Variants in SMG5 observed in about 807,000 individuals in gnomAD.
The protein encoded by SMG5 is SMG5 nonsense mediated mRNA decay factor.
SMG5 carries 53 observed loss-of-function variants against 122.9 expected under a neutral mutation model. The ratio of observed to expected loss-of-function variants is 0.43; its 90% CI spans 0.35 to 0.54. The LOEUF is 0.54. Among genes scored for constraint, SMG5 ranks in the 20% least tolerant of loss-of-function variants. SMG5 has a pLI of 0.01. For missense variants in SMG5, 1,153 were observed against 1,285.6 expected, an observed-to-expected ratio of 0.90 and a Z score of 1.58; for synonymous variants, 477 against 490.2, an observed-to-expected ratio of 0.97 and a Z score of 0.35.
intron 15 of SMG5, 142 bp from the exon 16 acceptor site, chr1:156,259,305 T>C: frequency 1.1e-6 from 1 of 878,016 alleles, no homozygotes; most frequent in South Asian, 2.0e-5. Flanking sequence ...GGAAGATTTG[T>C]GGTCTATGGG....
rs531230607 is a variant in SMG5, at chr1:156,277,859, C to A, written c.297+66G>T. 1.2e-4 allele frequency: 185 copies of A among 1,597,248 alleles called. No individual in the cohort carries two copies. The East Asian group carries it at 4.1e-3, about 36-fold the overall frequency. On this transcript the variant is annotated intron_variant, in intron 3 of 21. Coordinates refer to ENST00000361813, the MANE Select transcript of SMG5 (RefSeq NM_015327.3). ...CTCCCCTACCTCCAACCATGTTCTG[C>A]GCCCACTTTCCTAGCTGTCTCTTCC...
At chr1:156,265,493 A>G (rs1662084109) in intron 12 of SMG5, among the ~76,000 whole-genome samples, 1 of 152,190 alleles carries the variant, frequency 6.6e-6, no homozygotes, top group African/African-American at 2.4e-5. Flanking sequence ...GGCACAGGGA[A>G]GGAAGCTGCA....
rs1288072950 is a variant in SMG5, at chr1:156,261,260, G to A, written c.2107+73C>T. The A allele has an allele frequency of 2.1e-6, 3 of 1,425,918 alleles. No homozygotes were observed. The South Asian group carries it at 3.4e-5, about 16-fold the overall frequency. 88.3% of individuals were successfully genotyped at this position (1,425,918 alleles called of 1,614,324 possible). Reference sequence around the variant, plus strand: ...CTCCTTACCCCAAGGGCTGGGTTATGGGGAGGGGAGATGGGCTTAGTGGGG... The same window carrying A: ...CTCCTTACCCCAAGGGCTGGGTTATAGGGAGGGGAGATGGGCTTAGTGGGG... On this transcript the variant is annotated intron_variant, in intron 14 of 21. Coordinates refer to ENST00000361813, the MANE Select transcript of SMG5 (RefSeq NM_015327.3).
chr1:156,282,770 C>T lies in SMG5; in HGVS notation c.-90G>A. 1.5e-6 allele frequency: 2 copies of T among 1,367,910 alleles called. No individual in the cohort carries two copies. The highest frequency in any genetic ancestry group is 2.0e-6 in the Non-Finnish European group (2 of 1,020,160). The allele number at this position is 1,367,910 out of a possible 1,614,324, so 84.7% of individuals were successfully genotyped here. A position where few individuals can be genotyped will look rare whatever the true frequency, so the allele number is the denominator to read the frequency against. ...TGCCGTCTCCGGCCGTAGCCGCAGC[C>T]GCCGCCGCCACCGGCCCTGCTCGGC... On this transcript the variant is annotated 5_prime_UTR_variant, in exon 1 of 22. Coordinates refer to ENST00000361813, the MANE Select transcript of SMG5 (RefSeq NM_015327.3).
chr1:156,285,448 C>T (rs1170816803), upstream of SMG5: 1 of 1,613,828 alleles, frequency 6.2e-7, no homozygotes, highest in Admixed American at 1.7e-5. Flanking sequence ...GTGAGGCTGC[C>T]ACCTTGCCCT....
chr1:156,252,580 G>A, intron 18 of SMG5, 76 bp from the exon 19 acceptor site: 1 of 1,466,530 alleles, frequency 6.8e-7, no homozygotes, highest in East Asian at 2.3e-5. Context: ...GGAAGTATCT[G>A]AGCTCACCTC....
upstream of SMG5, chr1:156,286,139 C>T (rs1421622828): frequency 7.4e-7 from 1 of 1,358,896 alleles, no homozygotes; most frequent in African/African-American, 1.4e-5. Flanking sequence ...CTCCCAGGAC[C>T]ACCTCCACCC....
At chr1:156,260,968 C>G (rs1434411724) in intron 14 of SMG5, among the ~76,000 whole-genome samples, 1 of 152,000 alleles carries the variant, frequency 6.6e-6, no homozygotes, top group Non-Finnish European at 1.5e-5. Flanking sequence ...AGTTTTCCAG[C>G]TGGAAGGTGG....
intron 16 of SMG5, among the ~76,000 whole-genome samples, chr1:156,258,331 C>G (rs1661669597): frequency 1.3e-5 from 2 of 152,228 alleles, no homozygotes; most frequent in African/African-American, 4.8e-5. Flanking sequence ...CACTATCATT[C>G]CATCTTCAAA....
intron 1 of SMG5, 60 bp from the exon 2 acceptor site, chr1:156,279,094 G>A (rs1662818068): frequency 3.6e-6 from 5 of 1,378,192 alleles, no homozygotes; most frequent in South Asian, 1.2e-5. Flanking sequence ...AGAGGATGAC[G>A]CTGGGACACG....
chr1:156,250,051 G>C lies in SMG5; in HGVS notation c.*536C>G. On this transcript the variant is annotated 3_prime_UTR_variant, in exon 22 of 22. Coordinates refer to ENST00000361813, the MANE Select transcript of SMG5 (RefSeq NM_015327.3). ...CTAACAGCCCCTGTGGCTGGCTCCA[G>C]AGCTGCCTGGTCCCCATAAAGGGGG... The C allele has an allele frequency of 4.8e-6, 2 of 418,300 alleles. No individual in the cohort carries two copies. Among genetic ancestry groups the C allele is most frequent in the South Asian group, 3.6e-5 (2 of 55,392 alleles). The allele number at this position is 418,300 out of a possible 1,614,324, so 25.9% of individuals were successfully genotyped here.
chr1:156,249,643 C>T lies in SMG5; in HGVS notation c.*944G>A. 1 of 425,912 alleles carries T rather than the reference C, an allele frequency of 2.3e-6. No homozygotes were observed. Among genetic ancestry groups the T allele is most frequent in the Non-Finnish European group, 4.9e-6 (1 of 205,108 alleles). The allele number at this position is 425,912 out of a possible 1,614,324, so 26.4% of individuals were successfully genotyped here. On this transcript the variant is annotated 3_prime_UTR_variant, in exon 22 of 22. Coordinates refer to ENST00000361813, the MANE Select transcript of SMG5 (RefSeq NM_015327.3). ...CAAAAGGAGGGACGGGGGCCTCTGA[C>T]TGAGCAGCTTCAAGGAGCCTCTCCT... is the stretch of plus-strand genomic sequence containing the variant.
intron 16 of SMG5, among the ~76,000 whole-genome samples, chr1:156,256,372 C>T (rs1019855837): frequency 7.6e-5 from 11 of 144,222 alleles, no homozygotes; most frequent in Admixed American, 4.3e-4. Flanking sequence ...TGGAGGGCAG[C>T]GGCAAGATCT....
intron 18 of SMG5, 129 bp downstream of exon 18, chr1:156,252,790 G>T: frequency 2.0e-6 from 2 of 1,002,538 alleles, no homozygotes; most frequent in Non-Finnish European, 2.8e-6. Context: ...GAAGTGACGG[G>T]TTCACAAAGG....
chr1:156,286,232 C>T, upstream of SMG5: 1 of 1,610,076 alleles, frequency 6.2e-7, no homozygotes, highest in Non-Finnish European at 8.5e-7. Flanking sequence ...CCTTTTCTGA[C>T]CCTACCCTGT....
intron 1 of SMG5, among the ~76,000 whole-genome samples, chr1:156,281,299 T>C (rs556567481): frequency 2.0e-5 from 3 of 152,198 alleles, no homozygotes; most frequent in South Asian, 4.1e-4. Context: ...CTACATTTGA[T>C]GACAACTGGA....
intron 4 of SMG5, among the ~76,000 whole-genome samples, chr1:156,276,817 A>G (rs1368773945): frequency 6.6e-6 from 1 of 152,200 alleles, no homozygotes; most frequent in Admixed American, 6.5e-5. Flanking sequence ...AAATGTATTA[A>G]TACCACCTTC....
upstream of SMG5, chr1:156,286,464 CCGTCT>C (rs1487437016): frequency 6.2e-7 from 1 of 1,614,094 alleles, no homozygotes; most frequent in South Asian, 1.1e-5. Context: ...GGTCTCTTTG[CCGTCT>C]CCCGGTAAGT....
intron 16 of SMG5, chr1:156,253,763 T>C (rs998538527): frequency 5.7e-6 from 3 of 530,138 alleles, no homozygotes; most frequent in Non-Finnish European, 1.0e-5. Flanking sequence ...CAGACAGCCA[T>C]GTGCCGTCAC....
Sources: gnomAD v4.1 joint callset for allele counts (sites outside exome capture counted in the v4.1 genomes callset) on GRCh38, gnomAD v4.1.1 for gene constraint, MANE v1.5 for transcripts, NCBI Gene and HGNC (gene_info 2026-07-23, HGNC 2026-07-21) for gene names.